RAB7A: variants seen among roughly 807,000 people sequenced by gnomAD.
RAB7A encodes the protein ras-related protein Rab-7a.
In RAB7A, 2 loss-of-function variants were observed where a neutral mutation model predicts 24.5. The observed-to-expected ratio is 0.08, with a 90% CI of 0.03 to 0.26. The LOEUF is 0.26. RAB7A is among the 10% of genes least tolerant of loss of function. The pLI, the probability that RAB7A is intolerant of heterozygous loss-of-function variation, is 1.00. For missense variants in RAB7A, 118 were observed against 255.7 expected (o/e 0.46, Z 3.67); for synonymous variants, 100 against 95.9 (o/e 1.04, Z -0.25).
At chr3:128,769,745 A>G (rs530520376) in intron 1 of RAB7A, among the ~76,000 whole-genome samples, 23 of 152,350 alleles carry the variant, frequency 1.5e-4, no homozygotes, top group African/African-American at 5.5e-4. Context: ...CAATTCGTGA[A>G]TGAGGGCAGC....
intron 1 of RAB7A, among the ~76,000 whole-genome samples, chr3:128,777,402 A>G (rs77381816): frequency 7.9e-5 from 12 of 152,152 alleles, no homozygotes; most frequent in African/African-American, 2.6e-4. Context: ...GGGTCTCCCT[A>G]TGTGGCCCAG....
intron 1 of RAB7A, among the ~76,000 whole-genome samples, chr3:128,758,922 G>C (rs959635595): frequency 7.2e-5 from 11 of 152,228 alleles, no homozygotes; most frequent in African/African-American, 2.4e-4. Flanking sequence ...AAAATCCCTG[G>C]CTCAGAGTTT....
intron 1 of RAB7A, among the ~76,000 whole-genome samples, chr3:128,743,172 G>T (rs2070572114): frequency 6.6e-6 from 1 of 152,218 alleles, no homozygotes; most frequent in South Asian, 2.1e-4. Flanking sequence ...TGGGTGCTAA[G>T]CCCCTCACTG....
At position 128,806,408 on chromosome 3, in the gene RAB7A, C is replaced by G; in HGVS notation, c.217C>G (p.Leu73Val). Residue 73 changes from leucine to valine, a missense_variant, in exon 4 of 6, where the codon CTC becomes GTC. Physicochemically the swap from Leu to Val is conservative, Grantham distance 32. This residue lies in a region of RAB7A where 52 missense variants were observed against 173.5 expected (regional missense o/e 0.30). Transcript: ENST00000265062. ...AGCAGGACAGGAACGGTTCCAGTCTCTCGGTGTGGCCTTCTACAGAGGTGC... is the reference window on the plus strand; with the variant it reads ...AGCAGGACAGGAACGGTTCCAGTCTGTCGGTGTGGCCTTCTACAGAGGTGC... ...DTAGQERFQS[L>V]GVAFYRGADC... 1 of 1,614,096 alleles carries G rather than the reference C, an allele frequency of 6.2e-7. No individual in the cohort carries two copies. The highest frequency in any genetic ancestry group is 2.2e-5 in the East Asian group (1 of 44,882).
intron 1 of RAB7A, chr3:128,764,861 C>G: frequency 8.2e-7 from 1 of 1,213,692 alleles, no homozygotes; most frequent in South Asian, 1.2e-5. Flanking sequence ...AAGTATGTGG[C>G]AAAGTTCCTC....
In RAB7A at chr3:128,798,820, TTAAAAAAAAAAA is replaced by T. The variant is rs1484525460; in HGVS notation, c.180+752_180+763del. 8 of 166,140 alleles carry T rather than the reference TTAAAAAAAAAAA, an allele frequency of 4.8e-5. 1 individual carries two copies. Among genetic ancestry groups the T allele is most frequent in the African/African-American group, 2.7e-4 (7 of 25,686 alleles). 10.3% of individuals were successfully genotyped at this position (166,140 alleles called of 1,614,324 possible). ...ATGGAGTGAGACCCTGTCTCTAAAT[TTAAAAAAAAAAA>T]AAAAAAAAAAAAAGAATCCCAGGAT... On this transcript the variant is annotated intron_variant, in intron 3 of 5. Transcript: ENST00000265062.
At chr3:128,754,202 G>A (rs2070710561) in intron 1 of RAB7A, among the ~76,000 whole-genome samples, 2 of 152,152 alleles carry the variant, frequency 1.3e-5, no homozygotes, top group African/African-American at 4.8e-5. Context: ...AGAGACTTAT[G>A]TATCAAGAAG....
At chr3:128,795,993 C>T (rs1026104763) in intron 2 of RAB7A, among the ~76,000 whole-genome samples, 12 of 151,850 alleles carry the variant, frequency 7.9e-5, no homozygotes, top group South Asian at 4.2e-4. Flanking sequence ...CCTCGTGATC[C>T]GCCTGCCTCG....
At chr3:128,738,580 T>G (rs1559779238) in intron 1 of RAB7A, among the ~76,000 whole-genome samples, 1 of 152,306 alleles carries the variant, frequency 6.6e-6, no homozygotes, top group East Asian at 1.9e-4. Flanking sequence ...CTTTTAAAGC[T>G]TTTCTTGACC....
At chr3:128,769,162 G>A (rs990248996) in intron 1 of RAB7A, among the ~76,000 whole-genome samples, 2 of 151,226 alleles carry the variant, frequency 1.3e-5, no homozygotes, top group East Asian at 1.9e-4. Flanking sequence ...CCAGAGTGCT[G>A]GGATTACAGG....
chr3:128,754,928 T>A (rs1184456620), intron 1 of RAB7A, among the ~76,000 whole-genome samples: 1 of 152,118 alleles, frequency 6.6e-6, no homozygotes, highest in Non-Finnish European at 1.5e-5. Flanking sequence ...ACAGCAGTAG[T>A]TGGGGACTTT....
intron 1 of RAB7A, among the ~76,000 whole-genome samples, chr3:128,765,928 AT>A (rs2070827324): frequency 6.6e-6 from 1 of 151,874 alleles, no homozygotes; most frequent in Admixed American, 6.6e-5. Flanking sequence ...CTCTGGGCTA[AT>A]TTTTATATTT....
At chr3:128,806,900 C>T (rs544532013) in intron 4 of RAB7A, among the ~76,000 whole-genome samples, 3 of 152,382 alleles carry the variant, frequency 2.0e-5, no homozygotes, top group South Asian at 2.1e-4. Flanking sequence ...CCTCCCAGTA[C>T]CTCCAGGCCA....
intron 5 of RAB7A, 40 bp from the exon 6 acceptor site, chr3:128,813,287 A>C (rs746809904): frequency 1.9e-6 from 3 of 1,573,106 alleles, no homozygotes; most frequent in East Asian, 2.2e-5. Flanking sequence ...AAATGTTTCT[A>C]TTCCCTGAGT....
In RAB7A at chr3:128,771,081, C is replaced by T. The variant is rs1289129455; in HGVS notation, c.-8-24279C>T. On this transcript the variant is annotated intron_variant, in intron 1 of 5. Coordinates refer to ENST00000265062, the MANE Select transcript of RAB7A (RefSeq NM_004637.6). Reference sequence around the variant, plus strand: ...ACTTCCCGGGTTCAAGCGATTTTCCCACCTCAGCCTCCTGAGTAACTGGCA... The same window carrying T: ...ACTTCCCGGGTTCAAGCGATTTTCCTACCTCAGCCTCCTGAGTAACTGGCA... Among the ~76,000 whole-genome samples the T allele has an allele frequency of 2.0e-5, 3 of 152,004 alleles. No individual in the cohort carries two copies. In the South Asian group the frequency reaches 6.2e-4, roughly 32 times the overall value.
chr3:128,743,122 G>A (rs977967163), intron 1 of RAB7A, among the ~76,000 whole-genome samples: 1 of 152,208 alleles, frequency 6.6e-6, no homozygotes, highest in Non-Finnish European at 1.5e-5. Flanking sequence ...GTGGGCTGGC[G>A]GTGCTGGGGG....
chr3:128,808,634 T>A (rs913199472), intron 5 of RAB7A, among the ~76,000 whole-genome samples: 3 of 152,188 alleles, frequency 2.0e-5, no homozygotes, highest in African/African-American at 7.2e-5. Context: ...TCATGCGAGT[T>A]GAAAGTCTGT....
intron 5 of RAB7A, among the ~76,000 whole-genome samples, chr3:128,812,395 G>A (rs181185120): frequency 1.3e-4 from 20 of 152,324 alleles, no homozygotes; most frequent in African/African-American, 4.1e-4. Context: ...GATTACAGGC[G>A]TGAGCCACCA....
In RAB7A at chr3:128,813,598, C is replaced by T; in HGVS notation, c.*176C>T. 1.7e-6 allele frequency: 1 copy of T among 594,314 alleles called. No homozygotes were observed. Among genetic ancestry groups the T allele is most frequent in the East Asian group, 2.9e-5 (1 of 34,826 alleles). 36.8% of individuals were successfully genotyped at this position (594,314 alleles called of 1,614,324 possible). A position where few individuals can be genotyped will look rare whatever the true frequency, so the allele number is the denominator to read the frequency against. On this transcript the variant is annotated 3_prime_UTR_variant, in exon 6 of 6. Transcript: ENST00000265062. The stretch of plus-strand genomic sequence containing the variant: ...CCCACATATCTCTCACACACACACA[C>T]ACACGCACACACACACACACAGATC...
Sources: allele counts gnomAD v4.1 joint callset (sites outside exome capture counted in the v4.1 genomes callset), GRCh38; gene constraint gnomAD v4.1.1; regional missense constraint gnomAD v4.1.1; transcripts MANE v1.5; gene names NCBI Gene and HGNC (gene_info 2026-07-23, HGNC 2026-07-21).